Variants in PKP2 observed in about 807,000 individuals in gnomAD.
PKP2 encodes the protein plakophilin 2.
PKP2 carries 73 observed loss-of-function variants against 83.4 expected under a neutral mutation model. The observed-to-expected ratio is 0.88, with a 90% CI of 0.72 to 1.06. The LOEUF (loss-of-function observed/expected upper bound fraction) is 1.06, where lower values mean the gene tolerates loss of function less well. Among genes scored for constraint, PKP2 ranks in the 50% least tolerant of loss-of-function variants. PKP2 has a pLI of 0.00. For missense variants in PKP2, 966 were observed against 1,065.4 expected (o/e 0.91, Z 1.30); for synonymous variants, 409 against 430.4 (o/e 0.95, Z 0.62).
In PKP2 at chr12:32,840,585, C is replaced by T. The variant is rs139520989; in HGVS notation, c.1556+443G>A. On this transcript the variant is annotated intron_variant, in intron 6 of 12. Transcript: ENST00000340811. ...AAGTGCTGGTATTACAAGTGTGAGCCACCGCACCCAGCCAAGGGTTTTCTT... is the reference window on the plus strand; with the variant it reads ...AAGTGCTGGTATTACAAGTGTGAGCTACCGCACCCAGCCAAGGGTTTTCTT... Among the ~76,000 whole-genome samples the T allele has an allele frequency of 5.3e-5, 8 of 152,292 alleles. No homozygotes were observed. The East Asian group carries it at 1.5e-3, about 29-fold the overall frequency.
At chr12:32,818,933 T>C (rs1047009192) in intron 9 of PKP2, among the ~76,000 whole-genome samples, 4 of 152,158 alleles carry the variant, frequency 2.6e-5, no homozygotes, top group Admixed American at 2.6e-4. Flanking sequence ...GGAAAAGTAT[T>C]ATTAAAAAAA....
rs368037247 is a variant in PKP2, at chr12:32,818,743, G to A, written c.2013+2613C>T. Among the ~76,000 whole-genome samples the A allele has an allele frequency of 5.3e-5, 8 of 152,062 alleles. No homozygotes were observed. The South Asian group carries it at 8.3e-4, about 16-fold the overall frequency. ...TATTTCAGCTTGGGTTCTTTGCCAC[G>A]TAAGGTACACGGTCATTAATTGCTC... On this transcript the variant is annotated intron_variant, in intron 9 of 12. Coordinates refer to ENST00000340811, the MANE Select transcript of PKP2 (RefSeq NM_001005242.3).
intron 1 of PKP2, among the ~76,000 whole-genome samples, chr12:32,884,269 C>A (rs1957010661): frequency 6.6e-6 from 1 of 152,156 alleles, no homozygotes; most frequent in Non-Finnish European, 1.5e-5. Context: ...GCCTGGCCAG[C>A]ATGGTGAAAT....
At chr12:32,852,084 G>T (rs1167109661) in intron 4 of PKP2, among the ~76,000 whole-genome samples, 1 of 152,158 alleles carries the variant, frequency 6.6e-6, no homozygotes, top group Non-Finnish European at 1.5e-5. Context: ...GTAGACTGAA[G>T]GCTTTCCTTC....
chr12:32,880,786 T>TG (rs1956978730), intron 1 of PKP2, among the ~76,000 whole-genome samples: 25 of 51,806 alleles, frequency 4.8e-4, no homozygotes, highest in Admixed American at 3.6e-3. Context: ...TTCTCTCAGC[T>TG]TTTTTTGAGT....
At chr12:32,868,149 GCAGGAAATATTTTTGGTA>G (rs1203175487) in intron 4 of PKP2, among the ~76,000 whole-genome samples, 1 of 152,190 alleles carries the variant, frequency 6.6e-6, no homozygotes, top group Non-Finnish European at 1.5e-5. Flanking sequence ...TTTCCGAATT[GCAGGAAATATTTTTGGTA>G]ATGAGTGGCT....
chr12:32,893,168 T>C (rs1308587886), intron 1 of PKP2: 1 of 152,150 alleles, frequency 6.6e-6, no homozygotes, highest in Non-Finnish European at 1.5e-5. Context: ...TATCAACAAA[T>C]CAGCCACATT....
Position 32,882,254 on chromosome 12 carries a change from G to A in PKP2, c.224-3222C>T, listed in dbSNP as rs551892994. ...AGGAAAGTCAGGGACAATCTAGAAT[G>A]GCAAAGTACTAATGGTCATTTATGG... On this transcript the variant is annotated intron_variant, in intron 1 of 12. Coordinates refer to ENST00000340811, the MANE Select transcript of PKP2 (RefSeq NM_001005242.3). 2.0e-5 allele frequency among the ~76,000 whole-genome samples: 3 copies of A among 152,234 alleles called. No individual in the cohort carries two copies. In the East Asian group the frequency reaches 5.8e-4, roughly 29 times the overall value.
intron 3 of PKP2, among the ~76,000 whole-genome samples, chr12:32,870,420 G>T (rs1005474786): frequency 6.6e-5 from 10 of 151,698 alleles, no homozygotes; most frequent in Non-Finnish European, 1.5e-4. Context: ...AAGTATAAAG[G>T]GTATTAAAAG....
intron 11 of PKP2, among the ~76,000 whole-genome samples, chr12:32,795,296 CAG>C (rs1409269090): frequency 1.3e-5 from 2 of 150,192 alleles, no homozygotes; most frequent in Non-Finnish European, 3.0e-5. Context: ...AGAGATAAGA[CAG>C]AGAAAAAACT....
At chr12:32,829,277 T>C (rs148680990) in intron 6 of PKP2, among the ~76,000 whole-genome samples, 55 of 150,138 alleles carry the variant, frequency 3.7e-4, no homozygotes, top group African/African-American at 1.3e-3. Flanking sequence ...TTTTTTGAGA[T>C]AGAGTCTCAC....
chr12:32,855,840 A>T (rs949955561), intron 4 of PKP2, among the ~76,000 whole-genome samples: 1 of 151,640 alleles, frequency 6.6e-6, no homozygotes, highest in Non-Finnish European at 1.5e-5. Flanking sequence ...ACAGGCAAAA[A>T]GGAAATGAGA....
chr12:32,821,730 T>TAAC (rs1243590948), intron 8 of PKP2: 1 of 565,022 alleles, frequency 1.8e-6, no homozygotes, highest in African/African-American at 1.9e-5. Context: ...TTCTTCCTAA[T>TAAC]AACACTCCAC....
chr12:32,875,131 A>C (rs1013166391), intron 3 of PKP2, among the ~76,000 whole-genome samples: 1 of 152,218 alleles, frequency 6.6e-6, no homozygotes, highest in South Asian at 2.1e-4. Flanking sequence ...AGCATTCACA[A>C]AAATCTCAAA....
rs1057520597 is a variant in PKP2, at chr12:32,841,029, T to G, written c.1555A>C (p.Arg519=). 2 of 1,612,264 alleles carry G rather than the reference T, an allele frequency of 1.2e-6. No individual in the cohort carries two copies. The highest frequency in any genetic ancestry group is 1.7e-6 in the Non-Finnish European group (2 of 1,179,282). Residue 519 remains arginine (R), a splice_region_variant and synonymous_variant, in exon 6 of 13, where the codon AGA becomes CGA. Transcript: ENST00000340811. ...DIFYNVTGCL[R]NMSSAGADGR... Reference sequence around the variant, plus strand: ...AGGGCAGGGTACAGGTAGCATTACCTTAGGCATCCAGTGACGTTGTAGAAT... The same window carrying G: ...AGGGCAGGGTACAGGTAGCATTACCGTAGGCATCCAGTGACGTTGTAGAAT...
At chr12:32,845,996 A>C (rs916239759) in intron 5 of PKP2, among the ~76,000 whole-genome samples, 1 of 152,242 alleles carries the variant, frequency 6.6e-6, no homozygotes, top group Non-Finnish European at 1.5e-5. Flanking sequence ...TGCATAATAA[A>C]TATTTTATAG....
At chr12:32,878,594 T>C in intron 2 of PKP2, 51 bp from the exon 3 acceptor site, 1 of 1,433,680 alleles carries the variant, frequency 7.0e-7, no homozygotes, top group Non-Finnish European at 9.7e-7. Flanking sequence ...AAATTTCAAC[T>C]TTGCTGAGGA....
chr12:32,837,227 C>T (rs1267556138), intron 6 of PKP2, among the ~76,000 whole-genome samples: 1 of 152,142 alleles, frequency 6.6e-6, no homozygotes, highest in Non-Finnish European at 1.5e-5. Flanking sequence ...AATCTGTGGA[C>T]ATGTGACAAA....
At chr12:32,845,042 G>T (rs1956632872) in intron 5 of PKP2, among the ~76,000 whole-genome samples, 1 of 152,048 alleles carries the variant, frequency 6.6e-6, no homozygotes, top group Non-Finnish European at 1.5e-5. Flanking sequence ...ATAGCTCTTT[G>T]TTGCAGATGG....
Sources: allele counts gnomAD v4.1 joint callset (sites outside exome capture counted in the v4.1 genomes callset), GRCh38; gene constraint gnomAD v4.1.1; transcripts MANE v1.5; gene names NCBI Gene and HGNC (gene_info 2026-07-23, HGNC 2026-07-21).